Variants in XYLT1 observed in about 807,000 individuals in gnomAD.
The protein encoded by XYLT1 is beta-D-xylosyltransferase 1.
XYLT1 carries 36 observed loss-of-function variants against 91.3 expected under a neutral mutation model. That is an observed-to-expected ratio of 0.39 (90% CI 0.30 to 0.52). The LOEUF (loss-of-function observed/expected upper bound fraction) is 0.52. Among genes scored for constraint, XYLT1 ranks in the 20% least tolerant of loss-of-function variants. The pLI, the probability that XYLT1 is intolerant of heterozygous loss-of-function variation, is 0.68. For synonymous variants in XYLT1, 588 were observed against 532.0 expected, an observed-to-expected ratio of 1.11 and a Z score of -1.45; for missense variants, 1,242 against 1,284.5, an observed-to-expected ratio of 0.97 and a Z score of 0.51.
At chr16:17,383,788 C>A (rs2035713587) in intron 1 of XYLT1, among the ~76,000 whole-genome samples, 1 of 145,394 alleles carries the variant, frequency 6.9e-6, no homozygotes, top group South Asian at 2.2e-4. Context: ...ACTCTTGTTG[C>A]CCAGGCCAGA....
intron 5 of XYLT1, among the ~76,000 whole-genome samples, chr16:17,167,955 C>T (rs2031737583): frequency 6.6e-6 from 1 of 152,230 alleles, no homozygotes; most frequent in Non-Finnish European, 1.5e-5. Flanking sequence ...CTCCTCCACA[C>T]TCCAGACGGT....
intron 2 of XYLT1, among the ~76,000 whole-genome samples, chr16:17,293,798 CTCT>C (rs1404909250): frequency 1.3e-5 from 2 of 152,144 alleles, no homozygotes; most frequent in African/African-American, 2.4e-5. Flanking sequence ...CAGAATCTCT[CTCT>C]TAAGAGTCAC....
intron 1 of XYLT1, among the ~76,000 whole-genome samples, chr16:17,363,536 T>G (rs1196115044): frequency 6.6e-6 from 1 of 152,108 alleles, no homozygotes; most frequent in Non-Finnish European, 1.5e-5. Context: ...TGTCAAAATT[T>G]CCTCTTCTTT....
intron 2 of XYLT1, among the ~76,000 whole-genome samples, chr16:17,332,175 A>G (rs1224521117): frequency 6.6e-6 from 1 of 152,244 alleles, no homozygotes; most frequent in Non-Finnish European, 1.5e-5. Context: ...TACGTGACAC[A>G]TAAACTGCTG....
chr16:17,441,475 A>C (rs1356096714), intron 1 of XYLT1, among the ~76,000 whole-genome samples: 1 of 152,140 alleles, frequency 6.6e-6, no homozygotes, highest in Non-Finnish European at 1.5e-5. Flanking sequence ...CAGGCAGTGG[A>C]GCCAAGAAGC....
chr16:17,320,734 C>A (rs2034705621), intron 2 of XYLT1, among the ~76,000 whole-genome samples: 2 of 151,336 alleles, frequency 1.3e-5, no homozygotes, highest in Non-Finnish European at 2.9e-5. Flanking sequence ...CCCACCTTGC[C>A]CTCCCAAAGT....
intron 1 of XYLT1, among the ~76,000 whole-genome samples, chr16:17,370,409 G>A (rs111464103): frequency 1.7e-3 from 255 of 152,352 alleles, no homozygotes; most frequent in African/African-American, 5.8e-3. Flanking sequence ...CACGCTTGGT[G>A]GAACTGTAGG....
At chr16:17,127,601 T>G in intron 10 of XYLT1, 65 bp downstream of exon 10, 1 of 1,530,690 alleles carries the variant, frequency 6.5e-7, no homozygotes, top group Non-Finnish European at 8.9e-7. Context: ...TGTCAGATAG[T>G]GGAGTAGAAT....
At chr16:17,140,923 C>T (rs1476359885) in intron 7 of XYLT1, among the ~76,000 whole-genome samples, 1 of 152,178 alleles carries the variant, frequency 6.6e-6, no homozygotes, top group Non-Finnish European at 1.5e-5. Flanking sequence ...CTATTTTGCA[C>T]AAAGACACTG....
At chr16:17,294,315 T>G (rs1376020881) in intron 2 of XYLT1, among the ~76,000 whole-genome samples, 2 of 152,154 alleles carry the variant, frequency 1.3e-5, no homozygotes, top group Non-Finnish European at 2.9e-5. Flanking sequence ...TCAGGCTGTT[T>G]CTAGGCTGCT....
chr16:17,227,009 A>C (rs1187631773), intron 3 of XYLT1: 1 of 152,238 alleles, frequency 6.6e-6, no homozygotes, highest in Non-Finnish European at 1.5e-5. Context: ...GTCTGGCATA[A>C]AGCAAGCATT....
At chr16:17,419,777 CTT>C (rs1434643539) in intron 1 of XYLT1, among the ~76,000 whole-genome samples, 1 of 152,162 alleles carries the variant, frequency 6.6e-6, no homozygotes, top group African/African-American at 2.4e-5. Flanking sequence ...CCATGGACCT[CTT>C]TTTCCTTCTG....
chr16:17,200,569 C>T lies in XYLT1; in HGVS notation c.999G>A (p.Val333=), dbSNP rs1263224631. The change falls in exon 4 of 12, where the codon GTG becomes GTA. Residue 333 remains valine (V), a synonymous_variant. Transcript: ENST00000261381. Reference sequence around the variant, plus strand: ...ACTGCCGAGAGGCACGGCCGTGGACCACCAGGACAAAGGCGATTCTGACCG... The same window carrying T: ...ACTGCCGAGAGGCACGGCCGTGGACTACCAGGACAAAGGCGATTCTGACCG... ...ANPVRIAFVL[V]VHGRASRQLQ... 4.3e-6 allele frequency: 7 copies of T among 1,614,092 alleles called. No homozygotes were observed. The highest frequency in any genetic ancestry group is 3.3e-4 in the Middle Eastern group (2 of 6,084).
At chr16:17,354,619 G>T (rs2141859368) in intron 2 of XYLT1, 1 of 152,396 alleles carries the variant, frequency 6.6e-6, no homozygotes, top group Non-Finnish European at 1.5e-5. Context: ...GATGGAGCAG[G>T]CGATGCTGTC....
At chr16:17,226,449 C>T (rs1433997950) in intron 3 of XYLT1, among the ~76,000 whole-genome samples, 7 of 152,192 alleles carry the variant, frequency 4.6e-5, no homozygotes, top group Admixed American at 1.3e-4. Flanking sequence ...TCTCTGGACT[C>T]GATCCACTAA....
intron 3 of XYLT1, chr16:17,227,806 A>G (rs1157099185): frequency 6.6e-6 from 1 of 152,370 alleles, no homozygotes; most frequent in African/African-American, 2.4e-5. Context: ...ATACATGCCT[A>G]AAGGGCAGAG....
intron 1 of XYLT1, among the ~76,000 whole-genome samples, chr16:17,359,586 AAACTGCCAAGAG>A (rs1430008585): frequency 6.6e-6 from 1 of 152,212 alleles, no homozygotes; most frequent in African/African-American, 2.4e-5. Context: ...AACTGAAAGG[AAACTGCCAAGAG>A]AACATCCCAC....
chr16:17,213,404 T>C (rs1277219748), intron 3 of XYLT1, among the ~76,000 whole-genome samples: 2 of 152,140 alleles, frequency 1.3e-5, no homozygotes. Context: ...AATGAACCAA[T>C]ACAAGACCTT....
intron 8 of XYLT1, among the ~76,000 whole-genome samples, 165 bp from the exon 9 acceptor site, chr16:17,134,900 G>T (rs1193516973): frequency 6.6e-6 from 1 of 152,132 alleles, no homozygotes; most frequent in Non-Finnish European, 1.5e-5. Flanking sequence ...CTGTAAAATG[G>T]GTTATAATAA....
Sources: allele counts gnomAD v4.1 joint callset (sites outside exome capture counted in the v4.1 genomes callset), GRCh38; gene constraint gnomAD v4.1.1; transcripts MANE v1.5; gene names NCBI Gene and HGNC (gene_info 2026-07-23, HGNC 2026-07-21).